LRRN1: variants seen among roughly 807,000 people sequenced by gnomAD.
LRRN1 encodes the protein leucine rich repeat neuronal 1.
LRRN1 carries 14 observed loss-of-function variants against 45.8 expected under a neutral mutation model. The observed-to-expected ratio is 0.31, with a 90% CI of 0.20 to 0.48. The LOEUF is 0.48. Among genes scored for constraint, LRRN1 ranks in the 20% least tolerant of loss-of-function variants. The probability of loss-of-function intolerance (pLI) is 0.99; values close to 1 mark genes in which losing one functional copy is unlikely to be tolerated. For synonymous variants in LRRN1, 359 were observed against 330.1 expected (o/e 1.09, Z -0.95); for missense variants, 789 against 874.2 (o/e 0.90, Z 1.23).
rs1373424305 is a variant in LRRN1, at chr3:3,845,987, C to T, written c.1346C>T (p.Ala449Val). The T allele has an allele frequency of 6.2e-7, 1 of 1,613,974 alleles. No individual in the cohort carries two copies. Among genetic ancestry groups the T allele is most frequent in the Non-Finnish European group, 8.5e-7 (1 of 1,179,896 alleles). The change falls in exon 2 of 2, where the codon GCC becomes GTC. Residue 449 changes from alanine (A) to valine (V), a missense_variant. By Grantham distance (64) the Ala-to-Val change is moderately conservative (BLOSUM62 0). Coordinates refer to ENST00000319331, the MANE Select transcript of LRRN1 (RefSeq NM_020873.7). This position sits in a 1 kb window ranked among gnomAD's most constrained non-coding sequence, Gnocchi z 6.5. Reference sequence around the variant, plus strand: ...ACGACGGTTTTCCTAGACTGTCGAGCCATGGCTGAGCCAGAACCTGAAATT... The same window carrying T: ...ACGACGGTTTTCCTAGACTGTCGAGTCATGGCTGAGCCAGAACCTGAAATT... The part of the protein sequence containing the change: ...IGTTVFLDCR[A>V]MAEPEPEIYW...
At position 3,844,640 on chromosome 3, in the gene LRRN1, G is replaced by T. The variant is rs749975769; in HGVS notation, c.-2G>T. ...GGAGTTGAGCTTGCTCAGCAAGCCA[G>T]CATGGCTAGGATGAGCTTTGTTATA... On this transcript the variant is annotated 5_prime_UTR_variant, in exon 2 of 2. Coordinates refer to ENST00000319331, the MANE Select transcript of LRRN1 (RefSeq NM_020873.7). The T allele has an allele frequency of 1.7e-5, 28 of 1,605,072 alleles. No homozygotes were observed. Among genetic ancestry groups the T allele is most frequent in the Non-Finnish European group, 2.2e-5 (26 of 1,174,230 alleles).
At chr3:3,819,702 G>A (rs1045505186) in intron 1 of LRRN1, among the ~76,000 whole-genome samples, 1 of 152,120 alleles carries the variant, frequency 6.6e-6, no homozygotes, top group Admixed American at 6.5e-5. Flanking sequence ...AATTGTATCT[G>A]CAATGACCCT....
intron 1 of LRRN1, among the ~76,000 whole-genome samples, chr3:3,825,390 G>A (rs1328139357): frequency 7.2e-5 from 11 of 152,152 alleles, no homozygotes; most frequent in Admixed American, 7.2e-4. Flanking sequence ...GCCTGAAAGA[G>A]GAAGGAAAAT....
intron 1 of LRRN1, among the ~76,000 whole-genome samples, chr3:3,818,901 G>A (rs1371909612): frequency 5.3e-5 from 8 of 152,118 alleles, no homozygotes; most frequent in Non-Finnish European, 1.0e-4. Flanking sequence ...GAGAAGTAGG[G>A]TAAGGAAAGT....
rs750755177 is a variant in LRRN1, at chr3:3,844,894, G to A, written c.253G>A (p.Ala85Thr). Residue 85 changes from alanine (A) to threonine (T), a missense_variant, in exon 2 of 2, where the codon GCA becomes ACA. By Grantham distance (58) the Ala-to-Thr change is moderately conservative. Transcript: ENST00000319331. ...QVLLLQSNNI[A>T]KTVDELQQLF... ...GCTTCTCTTACAGAGCAATAACATC[G>A]CAAAGACTGTGGATGAGCTGCAGCA... 4.3e-6 allele frequency: 7 copies of A among 1,614,066 alleles called. No individual in the cohort carries two copies. Among genetic ancestry groups the A allele is most frequent in the Non-Finnish European group, 3.4e-6 (4 of 1,180,010 alleles).
chr3:3,800,121 T>TC (rs1218486950), intron 1 of LRRN1, among the ~76,000 whole-genome samples: 4 of 100,856 alleles, frequency 4.0e-5, no homozygotes, highest in Non-Finnish European at 8.0e-5. Context: ...GTGCCCCGTT[T>TC]CCCCCCGTCC....
chr3:3,842,799 C>T (rs1005740664), intron 1 of LRRN1, among the ~76,000 whole-genome samples: 1 of 152,052 alleles, frequency 6.6e-6, no homozygotes, highest in African/African-American at 2.4e-5. Context: ...AGTGAATGGC[C>T]CAGTTTGGGA....
At chr3:3,813,756 C>T (rs1692930347) in intron 1 of LRRN1, among the ~76,000 whole-genome samples, 1 of 152,130 alleles carries the variant, frequency 6.6e-6, no homozygotes, top group African/African-American at 2.4e-5. Flanking sequence ...GCAGAGTGAA[C>T]TGTGGCTGTA....
At chr3:3,802,463 A>T (rs1010229759) in intron 1 of LRRN1, among the ~76,000 whole-genome samples, 1 of 151,010 alleles carries the variant, frequency 6.6e-6, no homozygotes, top group East Asian at 1.9e-4. Context: ...CACCCCCCCA[A>T]CCCCCGCCAG....
At chr3:3,812,084 T>A (rs1692886363) in intron 1 of LRRN1, among the ~76,000 whole-genome samples, 1 of 152,226 alleles carries the variant, frequency 6.6e-6, no homozygotes, top group Admixed American at 6.5e-5. Context: ...TGACAGTCAT[T>A]CACTGCAATC....
Position 3,841,529 on chromosome 3 carries a change from G to GTT in LRRN1, c.-278-2829_-278-2828dup, listed in dbSNP as rs369896943. ...TCTGTGGTATGTTTTCTTTTCTTTT[G>GTT]TTTTTTTAAGACAGGGTCTTGCTCT... On this transcript the variant is annotated intron_variant, in intron 1 of 1. Transcript: ENST00000319331. Among the ~76,000 whole-genome samples the GTT allele has an allele frequency of 4.7e-3, 713 of 151,720 alleles. 6 individuals carry two copies. The highest frequency in any genetic ancestry group is 0.017 in the African/African-American group (689 of 41,344).
intron 1 of LRRN1, among the ~76,000 whole-genome samples, chr3:3,840,362 A>C (rs948597049): frequency 1.3e-5 from 2 of 152,174 alleles, no homozygotes; most frequent in African/African-American, 4.8e-5. Context: ...TAATATGAGA[A>C]GTTTTGCATC....
Position 3,802,604 on chromosome 3 carries a change from A to G in LRRN1, c.-279+2685A>G, listed in dbSNP as rs539673921. On this transcript the variant is annotated intron_variant, in intron 1 of 1. Transcript: ENST00000319331. ...TTCAGTGCCTTTTATACATAAGGCA[A>G]TATTTTCACAGGATGGGGAAAAATG... Among the ~76,000 whole-genome samples the G allele has an allele frequency of 1.4e-4, 22 of 152,346 alleles. No homozygotes were observed. In the South Asian group the frequency reaches 3.7e-3, roughly 26 times the overall value.
At chr3:3,843,229 T>A (rs2106470871) in intron 1 of LRRN1, among the ~76,000 whole-genome samples, 1 of 152,290 alleles carries the variant, frequency 6.6e-6, no homozygotes, top group South Asian at 2.1e-4. Flanking sequence ...TATAAACATG[T>A]TCATGGTCAA....
chr3:3,846,312 G>A lies in LRRN1; in HGVS notation c.1671G>A (p.Ser557=), dbSNP rs745627734. Residue 557 remains serine (S), a synonymous_variant, in exon 2 of 2, where the codon TCG becomes TCA. Transcript: ENST00000319331. The surrounding 1 kb of genome is among the most constrained non-coding windows in gnomAD (Gnocchi z 5.7). ...SNVMTSNLKW[S]SATMKIDNPH... ...TCATGACGTCAAACTTAAAATGGTC[G>A]TCTGCCACCATGAAGATTGATAACC... The A allele has an allele frequency of 2.6e-5, 42 of 1,613,794 alleles. No individual in the cohort carries two copies. Among genetic ancestry groups the A allele is most frequent in the South Asian group, 1.5e-4 (14 of 91,080 alleles).
intron 1 of LRRN1, among the ~76,000 whole-genome samples, chr3:3,802,203 C>T (rs1170561781): frequency 1.3e-5 from 2 of 152,172 alleles, no homozygotes; most frequent in Admixed American, 1.3e-4. Flanking sequence ...GCCTTTCTGC[C>T]GTGTCTAACA....
rs1419565205 is a variant in LRRN1, at chr3:3,849,795, A to AT, written c.*3010dup. ...GATTTGGCAAAAAGGAATCATCTCT[A>AT]TTTTTTTGCAAACAATATCAAAGTG... On this transcript the variant is annotated 3_prime_UTR_variant, in exon 2 of 2. Transcript: ENST00000319331. 1.3e-5 allele frequency among the ~76,000 whole-genome samples: 2 copies of AT among 152,116 alleles called. No individual in the cohort carries two copies. The highest frequency in any genetic ancestry group is 3.9e-4 in the East Asian group (2 of 5,142).
At chr3:3,832,766 G>C (rs1174616951) in intron 1 of LRRN1, among the ~76,000 whole-genome samples, 1 of 152,172 alleles carries the variant, frequency 6.6e-6, no homozygotes, top group Non-Finnish European at 1.5e-5. Context: ...ATGATTCTCT[G>C]TTTTTATAAT....
At chr3:3,809,897 C>T (rs1692841526) in intron 1 of LRRN1, among the ~76,000 whole-genome samples, 1 of 152,084 alleles carries the variant, frequency 6.6e-6, no homozygotes, top group African/African-American at 2.4e-5. Flanking sequence ...GACATTTCTG[C>T]CTGCTACAAA....
Sources: allele counts gnomAD v4.1 joint callset (sites outside exome capture counted in the v4.1 genomes callset), GRCh38; gene constraint gnomAD v4.1.1; non-coding constraint Gnocchi (gnomAD v3.1); transcripts MANE v1.5; gene names NCBI Gene and HGNC (gene_info 2026-07-23, HGNC 2026-07-21).